RB1: variants seen among roughly 807,000 people sequenced by gnomAD.
RB1 encodes the protein RB transcriptional corepressor 1, also known as retinoblastoma-associated protein.
RB1 carries 18 observed loss-of-function variants against 135.4 expected under a neutral mutation model. The ratio of observed to expected loss-of-function variants is 0.13; its 90% CI spans 0.09 to 0.20. The LOEUF (loss-of-function observed/expected upper bound fraction) is 0.20, where lower values mean the gene tolerates loss of function less well. Among genes scored for constraint, RB1 ranks in the 10% least tolerant of loss-of-function variants. The probability of loss-of-function intolerance (pLI) is 1.00; values close to 1 mark genes in which losing one functional copy is unlikely to be tolerated. For missense variants in RB1, 868 were observed against 1,110.0 expected (o/e 0.78, Z 3.10); for synonymous variants, 365 against 373.2 (o/e 0.98, Z 0.25).
Position 48,480,214 on chromosome 13 carries a change from C to T in RB1, c.*143C>T. 1.4e-6 allele frequency: 1 copy of T among 716,994 alleles called. No homozygotes were observed. Among genetic ancestry groups the T allele is most frequent in the Non-Finnish European group, 2.5e-6 (1 of 400,508 alleles). The allele number at this position is 716,994 out of a possible 1,614,324, so 44.4% of individuals were successfully genotyped here. On this transcript the variant is annotated 3_prime_UTR_variant, in exon 27 of 27. Coordinates refer to ENST00000267163, the MANE Select transcript of RB1 (RefSeq NM_000321.3). ...TTTGTGGATATAAAATGTGCAGATG[C>T]AATTGTTTGGGTGATTCCTAAGCCA... is the stretch of plus-strand genomic sequence containing the variant.
intron 17 of RB1, among the ~76,000 whole-genome samples, chr13:48,390,830 T>C (rs2138158597): frequency 6.6e-6 from 1 of 152,312 alleles, no homozygotes. Context: ...CATTCTTTAT[T>C]TAACTTATAC....
chr13:48,406,307 C>T (rs1001164200), intron 17 of RB1, among the ~76,000 whole-genome samples: 5 of 152,058 alleles, frequency 3.3e-5, no homozygotes, highest in Non-Finnish European at 5.9e-5. Flanking sequence ...TTCTCCATGA[C>T]GGCCACTGTC....
At chr13:48,377,837 T>G (rs796296228) in intron 13 of RB1, among the ~76,000 whole-genome samples, 6 of 152,328 alleles carry the variant, frequency 3.9e-5, no homozygotes, top group African/African-American at 1.4e-4. Context: ...ATCTAAGCTG[T>G]ATGATATAGC....
At chr13:48,443,133 A>G (rs1949254201) in intron 17 of RB1, among the ~76,000 whole-genome samples, 1 of 151,734 alleles carries the variant, frequency 6.6e-6, no homozygotes, top group Non-Finnish European at 1.5e-5. Flanking sequence ...ATTCCTTTAA[A>G]CATTGTTATG....
At chr13:48,307,188 T>C (rs1952087759) in intron 1 of RB1, 92 bp from the exon 2 acceptor site, 3 of 990,912 alleles carry the variant, frequency 3.0e-6, no homozygotes, top group Non-Finnish European at 4.7e-6. Flanking sequence ...TTTTTCACAG[T>C]AGTGTTATGT....
chr13:48,358,653 T>G (rs1952612830), intron 6 of RB1, among the ~76,000 whole-genome samples: 1 of 152,156 alleles, frequency 6.6e-6, no homozygotes, highest in Admixed American at 6.6e-5. Context: ...AGTCTCTGTG[T>G]TGTCAGAAAA....
chr13:48,331,925 T>C (rs978117980), intron 2 of RB1, among the ~76,000 whole-genome samples: 2 of 152,222 alleles, frequency 1.3e-5, no homozygotes, highest in Non-Finnish European at 2.9e-5. Context: ...GATAAACCCA[T>C]TGTAAGTCAA....
In RB1 at chr13:48,349,013, A is replaced by G. The variant is rs556436874; in HGVS notation, c.597A>G (p.Leu199=). The G allele has an allele frequency of 1.3e-6, 2 of 1,598,736 alleles. No homozygotes were observed. The highest frequency in any genetic ancestry group is 2.7e-5 in the African/African-American group (2 of 74,670). Residue 199 remains leucine (L), a synonymous_variant, in exon 6 of 27, where the codon TTA becomes TTG. Transcript: ENST00000267163. ...TAAAAGTTTCTTGGATCACATTTTT[A>G]TTAGCTAAAGGTAAGTTCATTATAT... ...LVLKVSWITF[L]LAKGEVLQME...
In RB1 at chr13:48,323,462, G is replaced by GT. The variant is rs560277520; in HGVS notation, c.264+16065dup. ...AGTTTCTCAATGTTGGTGATTTAAA[G>GT]TTTTTTTTTCTGGTTTCATTGATTT... is the stretch of plus-strand genomic sequence containing the variant. On this transcript the variant is annotated intron_variant, in intron 2 of 26. Coordinates refer to ENST00000267163, the MANE Select transcript of RB1 (RefSeq NM_000321.3). Among the ~76,000 whole-genome samples the GT allele has an allele frequency of 2.4e-3, 367 of 150,348 alleles. 3 individuals are homozygous for GT. The highest frequency in any genetic ancestry group is 8.4e-3 in the African/African-American group (345 of 41,092).
intron 1 of RB1, among the ~76,000 whole-genome samples, chr13:48,304,994 C>T (rs1952068924): frequency 6.6e-6 from 1 of 152,094 alleles, no homozygotes; most frequent in Non-Finnish European, 1.5e-5. Context: ...TGCACTAGAT[C>T]TTGAAGGGAA....
chr13:48,477,427 G>T, intron 26 of RB1, 23 bp downstream of exon 26: 8 of 1,571,468 alleles, frequency 5.1e-6, no homozygotes, highest in Non-Finnish European at 7.0e-6. Context: ...TTCACCTTGT[G>T]TAAATGAAAT....
Position 48,348,680 on chromosome 13 carries a change from A to ATT in RB1, c.540-266_540-265dup, listed in dbSNP as rs58957756. Reference sequence around the variant, plus strand: ...TCAAAATGTATACTTTTTTTTCTTAATTTTTTTTTTTGCAGCTTCTCATGG... The same window carrying ATT: ...TCAAAATGTATACTTTTTTTTCTTAATTTTTTTTTTTTTGCAGCTTCTCATGG... On this transcript the variant is annotated intron_variant, in intron 5 of 26. Coordinates refer to ENST00000267163, the MANE Select transcript of RB1 (RefSeq NM_000321.3). Among the ~76,000 whole-genome samples the ATT allele has an allele frequency of 2.7e-5, 4 of 145,872 alleles. No homozygotes were observed. In the East Asian group the frequency reaches 6.0e-4, roughly 22 times the overall value.
intron 12 of RB1, among the ~76,000 whole-genome samples, chr13:48,376,448 C>T (rs1003353632): frequency 6.1e-5 from 9 of 147,898 alleles, no homozygotes; most frequent in South Asian, 2.1e-4. Context: ...TGCAGTAAGC[C>T]GAGATTGCGC....
chr13:48,388,990 T>C (rs1041225018), intron 17 of RB1, among the ~76,000 whole-genome samples: 1 of 151,802 alleles, frequency 6.6e-6, no homozygotes, highest in African/African-American at 2.4e-5. Flanking sequence ...CAAAACCCTG[T>C]CTCTACTAAA....
intron 17 of RB1, among the ~76,000 whole-genome samples, chr13:48,424,505 G>T (rs1417681048): frequency 6.6e-6 from 1 of 152,192 alleles, no homozygotes; most frequent in East Asian, 1.9e-4. Flanking sequence ...AGTAGGGAAA[G>T]GAAATCAAGA....
intron 26 of RB1, 32 bp from the exon 27 acceptor site, chr13:48,479,966 A>G (rs1222863404): frequency 3.1e-6 from 5 of 1,588,728 alleles, no homozygotes; most frequent in Non-Finnish European, 3.5e-6. Flanking sequence ...AGTACCATCA[A>G]TGCTGTTAAC....
In RB1 at chr13:48,453,075, A is replaced by G. The variant is rs138033832; in HGVS notation, c.1778A>G (p.Asn593Ser). ...TDHLESACPL[N>S]LPLQNNHTAA... is the part of the protein sequence containing the mutation. ...CACCTTGAATCTGCTTGTCCTCTTAATCTTCCTCTCCAGAATAATCACACT... is the reference window on the plus strand; with the variant it reads ...CACCTTGAATCTGCTTGTCCTCTTAGTCTTCCTCTCCAGAATAATCACACT... The change falls in exon 18 of 27, where the codon AAT (asparagine) becomes AGT (serine). Residue 593 changes from asparagine (N) to serine (S), a missense_variant. This residue lies in a region of RB1 where 641 missense variants were observed against 791.3 expected (regional missense o/e 0.81). Transcript: ENST00000267163. 5.0e-6 allele frequency: 8 copies of G among 1,613,040 alleles called. No individual in the cohort carries two copies. The highest frequency in any genetic ancestry group is 1.3e-5 in the African/African-American group (1 of 74,900).
chr13:48,406,114 A>G lies in RB1; in HGVS notation c.1695+24671A>G, dbSNP rs201563852. ...TAAATAACTCTGTGTGTGTGTGTGT[A>G]TGTATGTATGTATGTGTGTGTTATG... On this transcript the variant is annotated intron_variant, in intron 17 of 26. Coordinates refer to ENST00000267163, the MANE Select transcript of RB1 (RefSeq NM_000321.3). Among the ~76,000 whole-genome samples, 51 of 71,186 alleles carry G rather than the reference A, an allele frequency of 7.2e-4. 1 individual carries two copies. The South Asian group carries it at 0.022, about 31-fold the overall frequency. 46.7% of individuals were successfully genotyped at this position (71,186 alleles called of 152,430 possible).
chr13:48,364,840 G>C, intron 8 of RB1, 54 bp from the exon 9 acceptor site: 2 of 1,533,508 alleles, frequency 1.3e-6, no homozygotes, highest in Non-Finnish European at 1.8e-6. Context: ...AGAGTCAAGA[G>C]ATTAGATTTT....
Sources: allele counts gnomAD v4.1 joint callset (sites outside exome capture counted in the v4.1 genomes callset), GRCh38; gene constraint gnomAD v4.1.1; regional missense constraint gnomAD v4.1.1; transcripts MANE v1.5; gene names NCBI Gene and HGNC (gene_info 2026-07-23, HGNC 2026-07-21).